Variants in L3MBTL4 observed in about 807,000 individuals in gnomAD.
L3MBTL4 encodes the protein lethal(3)malignant brain tumor-like protein 4.
L3MBTL4 carries 70 observed loss-of-function variants against 84.5 expected under a neutral mutation model. The observed-to-expected ratio is 0.83, with a 90% confidence interval of 0.68 to 1.01. The LOEUF is 1.01. L3MBTL4 is among the 50% of genes least tolerant of loss of function. The pLI is 0.00. For synonymous variants in L3MBTL4, 274 were observed against 259.8 expected, an observed-to-expected ratio of 1.05 and a Z score of -0.52; for missense variants, 715 against 754.8, an observed-to-expected ratio of 0.95 and a Z score of 0.62.
intron 16 of L3MBTL4, among the ~76,000 whole-genome samples, chr18:6,034,193 A>G (rs1312493161): frequency 6.6e-6 from 1 of 151,872 alleles, no homozygotes; most frequent in Non-Finnish European, 1.5e-5. Context: ...CATGTGCACA[A>G]TGTGCAGGTT....
chr18:5,987,262 G>A (rs8097479), intron 16 of L3MBTL4, among the ~76,000 whole-genome samples: 26,059 of 152,224 alleles, frequency 0.17, 3,458 homozygotes, highest in African/African-American at 0.36. Flanking sequence ...AAAGAGGAAT[G>A]AAGGAAAAAG....
chr18:6,093,304 A>G (rs1477645005), intron 15 of L3MBTL4, 51 bp downstream of exon 15: 2 of 1,366,716 alleles, frequency 1.5e-6, no homozygotes, highest in South Asian at 1.5e-5. Context: ...TTGTTCTTTT[A>G]CTATTCTACA....
chr18:6,348,455 A>G (rs1374450668), intron 1 of L3MBTL4, among the ~76,000 whole-genome samples: 1 of 152,182 alleles, frequency 6.6e-6, no homozygotes, highest in Non-Finnish European at 1.5e-5. Context: ...AAACAGATAC[A>G]TAATTTTAAA....
chr18:6,295,346 C>CTCTCTATATATATATATATATA (rs1261475809), intron 4 of L3MBTL4, among the ~76,000 whole-genome samples: 2 of 81,384 alleles, frequency 2.5e-5, no homozygotes, highest in African/African-American at 1.3e-4. Context: ...CTCTCTCTCT[C>CTCTCTATATATATATATATATA]TATATATATA....
At chr18:6,215,218 C>T (rs930633304) in intron 11 of L3MBTL4, among the ~76,000 whole-genome samples, 4 of 152,086 alleles carry the variant, frequency 2.6e-5, no homozygotes, top group Admixed American at 2.6e-4. Flanking sequence ...AACTGTACTA[C>T]CTATGTACTT....
chr18:6,362,442 G>A (rs1289562990), intron 1 of L3MBTL4, among the ~76,000 whole-genome samples: 1 of 152,144 alleles, frequency 6.6e-6, no homozygotes, highest in Non-Finnish European at 1.5e-5. Flanking sequence ...CTCTCCTTCT[G>A]CTAACAGAGC....
chr18:6,199,525 A>T (rs2045559695), intron 12 of L3MBTL4, among the ~76,000 whole-genome samples: 1 of 152,328 alleles, frequency 6.6e-6, no homozygotes, highest in African/African-American at 2.4e-5. Context: ...TATAGAGACC[A>T]CCAGTAGTAC....
In L3MBTL4 at chr18:6,115,041, T is replaced by C. The variant is rs185587872; in HGVS notation, c.1200-21513A>G. Among the ~76,000 whole-genome samples, 19 of 151,936 alleles carry C rather than the reference T, an allele frequency of 1.3e-4. No homozygotes were observed. The East Asian group carries it at 3.5e-3, about 28-fold the overall frequency. On this transcript the variant is annotated intron_variant, in intron 14 of 18. Coordinates refer to ENST00000317931, the MANE Select transcript of L3MBTL4 (RefSeq NM_001330559.2). ...GGGGGTTCACCAAGTGAAGTGTCGGTGAGATTGGGACAGTGACAGGCTCTT... is the reference window on the plus strand; with the variant it reads ...GGGGGTTCACCAAGTGAAGTGTCGGCGAGATTGGGACAGTGACAGGCTCTT...
In L3MBTL4 at chr18:6,093,352, T is replaced by C. The variant is rs757346206; in HGVS notation, c.1373+3A>G. 1 of 1,600,696 alleles carries C rather than the reference T, an allele frequency of 6.2e-7. No homozygotes were observed. Among genetic ancestry groups the C allele is most frequent in the South Asian group, 1.1e-5 (1 of 88,078 alleles). On this transcript the variant is annotated splice_donor_region_variant and intron_variant, in intron 15 of 18. Transcript: ENST00000317931. ...TGGCTCACATTTTTAAGAAGTTTCT[T>C]ACCTGGGCTGACTGTTCACCTTTTC...
chr18:6,308,950 A>G (rs2050712150), intron 3 of L3MBTL4, among the ~76,000 whole-genome samples: 1 of 152,164 alleles, frequency 6.6e-6, no homozygotes, highest in South Asian at 2.1e-4. Flanking sequence ...TTTACATTCT[A>G]TCTAGAAATA....
At chr18:6,311,530 A>C in intron 3 of L3MBTL4, 24 bp downstream of exon 3, 1 of 1,596,596 alleles carries the variant, frequency 6.3e-7, no homozygotes, top group East Asian at 2.2e-5. Context: ...ACTGTGAGGA[A>C]GGGTCCAGGG....
intron 16 of L3MBTL4, among the ~76,000 whole-genome samples, chr18:5,995,297 C>T (rs917698826): frequency 2.0e-4 from 31 of 152,256 alleles, no homozygotes; most frequent in African/African-American, 7.2e-4. Flanking sequence ...TTGTGTGTCC[C>T]TGCATGGTGA....
At chr18:6,385,245 T>C (rs1486340189) in intron 1 of L3MBTL4, among the ~76,000 whole-genome samples, 1 of 151,676 alleles carries the variant, frequency 6.6e-6, no homozygotes, top group Non-Finnish European at 1.5e-5. Flanking sequence ...CAAAAAAATA[T>C]ATAGTATTTG....
chr18:6,041,458 T>C (rs1207025653), intron 16 of L3MBTL4, among the ~76,000 whole-genome samples: 1 of 141,532 alleles, frequency 7.1e-6, no homozygotes, highest in African/African-American at 2.7e-5. Context: ...TAGGCTGAAA[T>C]TGACTTTTTT....
At chr18:6,218,762 T>C (rs987170495) in intron 10 of L3MBTL4, among the ~76,000 whole-genome samples, 6 of 151,026 alleles carry the variant, frequency 4.0e-5, no homozygotes, top group South Asian at 2.1e-4. Context: ...CCAGGGAGAG[T>C]TGCAAAAGCC....
At chr18:6,360,473 C>A (rs1246141901) in intron 1 of L3MBTL4, among the ~76,000 whole-genome samples, 1 of 152,162 alleles carries the variant, frequency 6.6e-6, no homozygotes, top group African/African-American at 2.4e-5. Flanking sequence ...TCTTATATAT[C>A]AAACATCCAA....
In L3MBTL4 at chr18:6,139,814, C is replaced by G. The variant is rs570334173; in HGVS notation, c.1097-1518G>C. Among the ~76,000 whole-genome samples, 25 of 152,258 alleles carry G rather than the reference C, an allele frequency of 1.6e-4. 1 individual carries two copies. The highest frequency in any genetic ancestry group is 5.5e-4 in the African/African-American group (23 of 41,560). ...GTCAGGGACCGTCTTCCTCTCTGTG[C>G]CTCCTCAGGGCCACACCTCTGAGGC... is the stretch of plus-strand genomic sequence containing the variant. On this transcript the variant is annotated intron_variant, in intron 13 of 18. Transcript: ENST00000317931.
At chr18:6,391,640 G>A (rs971342478) in intron 1 of L3MBTL4, among the ~76,000 whole-genome samples, 2 of 151,586 alleles carry the variant, frequency 1.3e-5, no homozygotes, top group African/African-American at 2.4e-5. Context: ...AAAGTCTCAG[G>A]TTACAAAATC....
chr18:6,263,879 C>A, intron 5 of L3MBTL4, 68 bp downstream of exon 5: 1 of 1,055,608 alleles, frequency 9.5e-7, no homozygotes, highest in South Asian at 1.3e-5. Context: ...CTAGGAAAGT[C>A]ATTTCATTTA....
Sources: allele counts gnomAD v4.1 joint callset (sites outside exome capture counted in the v4.1 genomes callset), GRCh38; gene constraint gnomAD v4.1.1; transcripts MANE v1.5; gene names NCBI Gene and HGNC (gene_info 2026-07-23, HGNC 2026-07-21).